PTPRD: variants seen among roughly 807,000 people sequenced by gnomAD.
PTPRD encodes protein tyrosine phosphatase receptor type D.
In PTPRD, 34 loss-of-function variants were observed where a neutral mutation model predicts 214.5. That is an observed-to-expected ratio of 0.16 (90% CI 0.12 to 0.21). The LOEUF is 0.21. PTPRD is among the 10% of genes least tolerant of loss of function. The pLI is 1.00. For missense variants in PTPRD, 2,545 were observed against 2,398.7 expected, an observed-to-expected ratio of 1.06 and a Z score of -1.27; for synonymous variants, 1,128 against 845.7, an observed-to-expected ratio of 1.33 and a Z score of -5.79.
chr9:8,450,009 G>T (rs2095873895), intron 33 of PTPRD, among the ~76,000 whole-genome samples, 172 bp from the exon 34 acceptor site: 1 of 151,950 alleles, frequency 6.6e-6, no homozygotes, highest in Non-Finnish European at 1.5e-5. Context: ...TGGCCTAATT[G>T]TTCTCTCAGG....
intron 8 of PTPRD, among the ~76,000 whole-genome samples, chr9:9,540,444 T>C (rs909266098): frequency 2.0e-5 from 3 of 151,738 alleles, no homozygotes; most frequent in African/African-American, 7.2e-5. Context: ...ATGTACAATG[T>C]ACAGTAATGA....
At position 10,573,123 on chromosome 9, in the gene PTPRD, G is replaced by A. The variant is rs189167568; in HGVS notation, c.-600+39275C>T. On this transcript the variant is annotated intron_variant, in intron 2 of 45. Transcript: ENST00000381196. Reference sequence around the variant, plus strand: ...TGAGTATACGAGTAGTCCCCAATACGTGATGCCTCCAACACCTCCCCCACA... The same window carrying A: ...TGAGTATACGAGTAGTCCCCAATACATGATGCCTCCAACACCTCCCCCACA... Among the ~76,000 whole-genome samples, 127 of 152,088 alleles carry A rather than the reference G, an allele frequency of 8.4e-4. 2 individuals carry two copies. Among genetic ancestry groups the A allele is most frequent in the African/African-American group, 3.0e-3 (124 of 41,496 alleles).
chr9:9,583,767 C>G (rs2091351535), intron 7 of PTPRD, among the ~76,000 whole-genome samples: 1 of 152,006 alleles, frequency 6.6e-6, no homozygotes, highest in Non-Finnish European at 1.5e-5. Flanking sequence ...AGCTGCTGCA[C>G]TAAAGCTCAG....
At chr9:8,536,885 A>G (rs969935359) in intron 14 of PTPRD, among the ~76,000 whole-genome samples, 1 of 151,980 alleles carries the variant, frequency 6.6e-6, no homozygotes, top group Non-Finnish European at 1.5e-5. Context: ...AAGGCAGAGG[A>G]TTATCATAGT....
intron 38 of PTPRD, among the ~76,000 whole-genome samples, chr9:8,376,323 A>C (rs2083239626): frequency 6.6e-6 from 1 of 152,096 alleles, no homozygotes; most frequent in Admixed American, 6.6e-5. Flanking sequence ...TTTCAGGTTT[A>C]ACTACCAGGA....
chr9:9,460,874 T>TGCTGC (rs1293387526), intron 8 of PTPRD, among the ~76,000 whole-genome samples: 1 of 152,084 alleles, frequency 6.6e-6, no homozygotes, highest in Non-Finnish European at 1.5e-5. Flanking sequence ...CCTGCACTCT[T>TGCTGC]ACGTTTATTG....
At chr9:9,535,447 A>G (rs530045655) in intron 8 of PTPRD, among the ~76,000 whole-genome samples, 71 of 152,212 alleles carry the variant, frequency 4.7e-4, no homozygotes, top group African/African-American at 1.6e-3. Context: ...TTGGTGTTTG[A>G]TAGTGTGAAA....
intron 9 of PTPRD, among the ~76,000 whole-genome samples, chr9:9,367,128 T>C (rs2058098490): frequency 6.6e-6 from 1 of 151,422 alleles, no homozygotes; most frequent in South Asian, 2.1e-4. Context: ...ATATAATCAG[T>C]GTTACGTGGG....
At chr9:8,747,063 C>CT (rs1311819989) in intron 11 of PTPRD, among the ~76,000 whole-genome samples, 1 of 152,134 alleles carries the variant, frequency 6.6e-6, no homozygotes, top group African/African-American at 2.4e-5. Flanking sequence ...AAAATGCCAT[C>CT]TTTTTAAGAA....
chr9:9,722,656 G>A (rs972495789), intron 7 of PTPRD, among the ~76,000 whole-genome samples: 2 of 152,150 alleles, frequency 1.3e-5, no homozygotes, highest in South Asian at 2.1e-4. Context: ...TACATCTGAA[G>A]TGTCTGCATC....
At chr9:9,123,953 G>C (rs1474429685) in intron 10 of PTPRD, among the ~76,000 whole-genome samples, 1 of 150,160 alleles carries the variant, frequency 6.7e-6, no homozygotes, top group Non-Finnish European at 1.5e-5. Context: ...CTCAGAAAAA[G>C]TAAATTGACC....
chr9:8,729,455 A>AC (rs1046774515), intron 12 of PTPRD, among the ~76,000 whole-genome samples: 8 of 152,114 alleles, frequency 5.3e-5, no homozygotes, highest in South Asian at 2.1e-4. Context: ...AATTAAAAAA[A>AC]AAAATTAGCA....
At chr9:10,164,003 C>T (rs1474382834) in intron 3 of PTPRD, among the ~76,000 whole-genome samples, 1 of 151,334 alleles carries the variant, frequency 6.6e-6, no homozygotes, top group Non-Finnish European at 1.5e-5. Flanking sequence ...AACACACACA[C>T]CTAGACCCAG....
At chr9:8,359,532 C>T (rs1423883885) in intron 39 of PTPRD, among the ~76,000 whole-genome samples, 2 of 152,080 alleles carry the variant, frequency 1.3e-5, no homozygotes, top group African/African-American at 4.8e-5. Context: ...CAGGGTTTCA[C>T]TGTATTGCCC....
At chr9:10,114,622 G>A in intron 3 of PTPRD, among the ~76,000 whole-genome samples, 1 of 151,994 alleles carries the variant, frequency 6.6e-6, no homozygotes, top group East Asian at 1.9e-4. Flanking sequence ...GTGCATATAT[G>A]TATGTTTGCA....
At chr9:10,181,597 A>G (rs1009920493) in intron 3 of PTPRD, among the ~76,000 whole-genome samples, 2 of 152,090 alleles carry the variant, frequency 1.3e-5, no homozygotes, top group Non-Finnish European at 2.9e-5. Flanking sequence ...GAGCAAAAAT[A>G]GAGAACTGAT....
At chr9:8,822,718 A>G (rs1172822338) in intron 11 of PTPRD, among the ~76,000 whole-genome samples, 1 of 152,184 alleles carries the variant, frequency 6.6e-6, no homozygotes, top group Non-Finnish European at 1.5e-5. Flanking sequence ...TAGACATAGG[A>G]AACCAAAGCT....
rs6150905 is a variant in PTPRD at position 8,374,114 on chromosome 9, CTGTGTG to C, written c.4661+1816_4661+1821del. ...TTTAAACATATAATTACACACGTGT[CTGTGTG>C]TGTGTGTGTGTGTGTGTGTGTGTGT... On this transcript the variant is annotated intron_variant, in intron 39 of 45. Coordinates refer to ENST00000381196, the MANE Select transcript of PTPRD (RefSeq NM_002839.4). Among the ~76,000 whole-genome samples the C allele has an allele frequency of 4.5e-3, 637 of 142,876 alleles. 6 individuals carry two copies. The highest frequency in any genetic ancestry group is 8.8e-3 in the African/African-American group (350 of 39,564). 93.7% of individuals were successfully genotyped at this position (142,876 alleles called of 152,430 possible). A position where few individuals can be genotyped will look rare whatever the true frequency, so the allele number is the denominator to read the frequency against.
chr9:10,430,414 C>G (rs1363047630), intron 2 of PTPRD, among the ~76,000 whole-genome samples: 2 of 151,628 alleles, frequency 1.3e-5, no homozygotes, highest in Non-Finnish European at 1.5e-5. Context: ...GTATGCCTCT[C>G]TATATACAGA....
Sources: allele counts gnomAD v4.1 joint callset (sites outside exome capture counted in the v4.1 genomes callset), GRCh38; gene constraint gnomAD v4.1.1; transcripts MANE v1.5; gene names NCBI Gene and HGNC (gene_info 2026-07-23, HGNC 2026-07-21).